The following COL23A1 variants were observed in gnomAD, a reference collection of about 807,000 sequenced individuals.
The protein encoded by COL23A1 is collagen type XXIII alpha 1 chain, also known as collagen alpha-1(XXIII) chain.
In COL23A1, 97 loss-of-function variants were observed where a neutral mutation model predicts 99.3. The ratio of observed to expected loss-of-function variants is 0.98; its 90% CI spans 0.83 to 1.16. The LOEUF is 1.16. COL23A1 is among the 50% of genes most tolerant of loss of function. The pLI is 0.00. For synonymous variants in COL23A1, 320 were observed against 308.2 expected (o/e 1.04, Z -0.40); for missense variants, 762 against 757.4 (o/e 1.01, Z -0.07).
chr5:178,337,244 C>T (rs1760384089), intron 2 of COL23A1, among the ~76,000 whole-genome samples: 2 of 152,238 alleles, frequency 1.3e-5, no homozygotes, highest in African/African-American at 4.8e-5. Context: ...AGCGCAGAGA[C>T]CCGCGTGTGA....
chr5:178,468,022 CAGGCGT>C lies in COL23A1; in HGVS notation c.361+92654_361+92659del, dbSNP rs953977116. On this transcript the variant is annotated intron_variant, in intron 2 of 28. Transcript: ENST00000390654. This position sits in a 1 kb window ranked among gnomAD's most constrained non-coding sequence, Gnocchi z 4.2. ...AGGCGGCGATGCTCTCTGGAGCGGACAGGCGTATTTAATATCCCACCCACGCATCAC... is the reference window on the plus strand; with the variant it reads ...AGGCGGCGATGCTCTCTGGAGCGGACATTTAATATCCCACCCACGCATCAC... 1.2e-4 allele frequency among the ~76,000 whole-genome samples: 19 copies of C among 152,162 alleles called. No individual in the cohort carries two copies. Among genetic ancestry groups the C allele is most frequent in the Non-Finnish European group, 4.4e-5 (3 of 68,028 alleles).
chr5:178,406,452 CG>C (rs570233747), intron 2 of COL23A1, among the ~76,000 whole-genome samples: 23 of 141,094 alleles, frequency 1.6e-4, no homozygotes, highest in Non-Finnish European at 3.2e-4. Flanking sequence ...TTTCTTGAGA[CG>C]GAGTCTCGCT....
intron 2 of COL23A1, among the ~76,000 whole-genome samples, chr5:178,363,897 T>C (rs2127708436): frequency 2.0e-5 from 3 of 152,320 alleles, no homozygotes; most frequent in East Asian, 3.9e-4. Flanking sequence ...TGTGGACACG[T>C]AGGTTCACGT....
intron 2 of COL23A1, among the ~76,000 whole-genome samples, chr5:178,419,931 C>A (rs752967199): frequency 6.6e-6 from 1 of 152,204 alleles, no homozygotes; most frequent in Non-Finnish European, 1.5e-5. Context: ...GTCACTTTAC[C>A]CTTTTTGTCT....
rs1268308640 is a variant in COL23A1 at position 178,468,244 on chromosome 5, G to A, written c.361+92438C>T. On this transcript the variant is annotated intron_variant, in intron 2 of 28. Transcript: ENST00000390654. This position sits in a 1 kb window ranked among gnomAD's most constrained non-coding sequence, Gnocchi z 4.2. ...AGACTCCAGCCAGAAGCCACGGCAA[G>A]CCGCCAGTGTCGAGCAGAGGGCCCC... 6.8e-6 allele frequency among the ~76,000 whole-genome samples: 1 copy of A among 147,718 alleles called. No homozygotes were observed. Among genetic ancestry groups the A allele is most frequent in the Non-Finnish European group, 1.5e-5 (1 of 67,052 alleles).
intron 19 of COL23A1, among the ~76,000 whole-genome samples, chr5:178,248,627 C>T (rs1387803288): frequency 2.0e-5 from 3 of 152,128 alleles, no homozygotes; most frequent in East Asian, 3.9e-4. Context: ...GCCACAAAAG[C>T]AACGAAAATC....
intron 2 of COL23A1, chr5:178,345,035 G>T: frequency 1.7e-6 from 1 of 581,204 alleles, no homozygotes; most frequent in Non-Finnish European, 3.3e-6. Flanking sequence ...ACCACCTGGA[G>T]ATCTCCAGAG....
chr5:178,577,585 C>G (rs1371708793), intron 1 of COL23A1, among the ~76,000 whole-genome samples: 1 of 152,178 alleles, frequency 6.6e-6, no homozygotes, highest in African/African-American at 2.4e-5. Context: ...GGGGAACAGC[C>G]CAGGGCCCTC....
chr5:178,502,257 T>A (rs550331389), intron 2 of COL23A1, among the ~76,000 whole-genome samples: 13 of 152,224 alleles, frequency 8.5e-5, no homozygotes, highest in Admixed American at 5.9e-4. Flanking sequence ...TCAGCCTCCC[T>A]AGCAGCTGGG....
chr5:178,380,911 G>C (rs918027328), intron 2 of COL23A1, among the ~76,000 whole-genome samples: 4 of 152,222 alleles, frequency 2.6e-5, no homozygotes, highest in Non-Finnish European at 5.9e-5. Flanking sequence ...GGAGTGGGGA[G>C]GGCAGGGCAA....
In COL23A1 at chr5:178,309,955, G is replaced by A. The variant is rs983923164; in HGVS notation, c.362-3036C>T. Among the ~76,000 whole-genome samples the A allele has an allele frequency of 2.6e-5, 4 of 152,172 alleles. No homozygotes were observed. Among genetic ancestry groups the A allele is most frequent in the Non-Finnish European group, 5.9e-5 (4 of 68,024 alleles). On this transcript the variant is annotated intron_variant, in intron 2 of 28. Coordinates refer to ENST00000390654, the MANE Select transcript of COL23A1 (RefSeq NM_173465.4). This position sits in a 1 kb window ranked among gnomAD's most constrained non-coding sequence, Gnocchi z 4.7. The stretch of plus-strand genomic sequence containing the variant: ...GGAGGAAGGGCGGGGGGGAGAGGGA[G>A]GGAGGGAGAAGGGGACAGGCAGGGA...
intron 2 of COL23A1, among the ~76,000 whole-genome samples, chr5:178,416,616 G>T (rs1426167547): frequency 6.6e-6 from 1 of 152,218 alleles, no homozygotes; most frequent in African/African-American, 2.4e-5. Flanking sequence ...TGTATGTGCT[G>T]AGTGCTTTGT....
At position 178,307,824 on chromosome 5, in the gene COL23A1, G is replaced by T. The variant is rs1758445748; in HGVS notation, c.362-905C>A. 6.6e-6 allele frequency among the ~76,000 whole-genome samples: 1 copy of T among 152,218 alleles called. No individual in the cohort carries two copies. Among genetic ancestry groups the T allele is most frequent in the Non-Finnish European group, 1.5e-5 (1 of 68,044 alleles). Reference sequence around the variant, plus strand: ...GATACGTCTTGCTCACCCACTGTATGCCAGGATCTGGGCTGGGCCTGGAGG... The same window carrying T: ...GATACGTCTTGCTCACCCACTGTATTCCAGGATCTGGGCTGGGCCTGGAGG... On this transcript the variant is annotated intron_variant, in intron 2 of 28. Transcript: ENST00000390654. This position sits in a 1 kb window ranked among gnomAD's most constrained non-coding sequence, Gnocchi z 4.2.
intron 27 of COL23A1, among the ~76,000 whole-genome samples, chr5:178,241,408 T>A (rs1356724296): frequency 8.6e-5 from 13 of 151,650 alleles, no homozygotes; most frequent in Admixed American, 7.9e-4. Flanking sequence ...GAGAGACTCT[T>A]CTGGGAAGGA....
intron 2 of COL23A1, among the ~76,000 whole-genome samples, chr5:178,508,944 G>T (rs1759037006): frequency 6.6e-6 from 1 of 152,186 alleles, no homozygotes; most frequent in Non-Finnish European, 1.5e-5. Flanking sequence ...GAGGAACAGA[G>T]AAAATATTTC....
At chr5:178,300,271 T>G (rs1757961670) in intron 3 of COL23A1, among the ~76,000 whole-genome samples, 1 of 151,158 alleles carries the variant, frequency 6.6e-6, no homozygotes, top group Non-Finnish European at 1.5e-5. Flanking sequence ...AGAGACCATC[T>G]TGGCCGGGCT....
chr5:178,442,510 C>T lies in COL23A1; in HGVS notation c.361+118172G>A, dbSNP rs573642458. 1.6e-4 allele frequency among the ~76,000 whole-genome samples: 24 copies of T among 152,324 alleles called. No individual in the cohort carries two copies. The East Asian group carries it at 3.5e-3, about 22-fold the overall frequency. On this transcript the variant is annotated intron_variant, in intron 2 of 28. Transcript: ENST00000390654. ...ATGAATCTAACATGATAGGCCCGAG[C>T]GTCTCCCTCCCTGACAGCTGGGGTC...
At chr5:178,507,776 G>A (rs1227415960) in intron 2 of COL23A1, among the ~76,000 whole-genome samples, 2 of 152,188 alleles carry the variant, frequency 1.3e-5, no homozygotes, top group East Asian at 1.9e-4. Context: ...ATCAGATTTC[G>A]GAAAGTGGAT....
In COL23A1 at chr5:178,365,651, C is replaced by G. The variant is rs542610750; in HGVS notation, c.362-58732G>C. On this transcript the variant is annotated intron_variant, in intron 2 of 28. Coordinates refer to ENST00000390654, the MANE Select transcript of COL23A1 (RefSeq NM_173465.4). The surrounding 1 kb of genome is among the most constrained non-coding windows in gnomAD (Gnocchi z 5.2). ...CCAGCACCCGCCAGGCATGCAGTGG[C>G]CCCTCTCTTCTCCTCGACAACTGCG... Among the ~76,000 whole-genome samples the G allele has an allele frequency of 1.3e-5, 2 of 152,198 alleles. No individual in the cohort carries two copies. Among genetic ancestry groups the G allele is most frequent in the African/African-American group, 4.8e-5 (2 of 41,450 alleles).
Sources: allele counts gnomAD v4.1 joint callset (sites outside exome capture counted in the v4.1 genomes callset), GRCh38; gene constraint gnomAD v4.1.1; non-coding constraint Gnocchi (gnomAD v3.1); transcripts MANE v1.5; gene names NCBI Gene and HGNC (gene_info 2026-07-23, HGNC 2026-07-21).